Variants in NUP98 observed in about 807,000 individuals in gnomAD.
The protein encoded by NUP98 is nuclear pore complex protein Nup98-Nup96.
In NUP98, 26 loss-of-function variants were observed where a neutral mutation model predicts 191.9. The observed-to-expected ratio is 0.14, with a 90% CI of 0.10 to 0.19. The LOEUF (loss-of-function observed/expected upper bound fraction) is 0.19. Ranked by LOEUF, NUP98 falls within the 10% of genes least tolerant of loss-of-function variation. The pLI is 1.00. For synonymous variants in NUP98, 808 were observed against 778.4 expected (o/e 1.04, Z -0.63); for missense variants, 1,941 against 2,178.8 (o/e 0.89, Z 2.17).
At chr11:3,765,517 T>C (rs923661074) in intron 8 of NUP98, among the ~76,000 whole-genome samples, 8 of 152,214 alleles carry the variant, frequency 5.3e-5, no homozygotes, top group African/African-American at 1.7e-4. Flanking sequence ...GATCAATTTG[T>C]GGCCAGGCAT....
chr11:3,718,766 A>T (rs2079279250), intron 18 of NUP98, among the ~76,000 whole-genome samples: 1 of 152,204 alleles, frequency 6.6e-6, no homozygotes, highest in South Asian at 2.1e-4. Flanking sequence ...GCCACAGCAG[A>T]AACAGGAATA....
At chr11:3,711,903 T>C (rs2079031072) in intron 20 of NUP98, 4 of 1,038,366 alleles carry the variant, frequency 3.9e-6, no homozygotes, top group African/African-American at 1.7e-5. Flanking sequence ...AATTATAGCA[T>C]GGAAAATACC....
At chr11:3,711,600 A>G (rs2079024310) in intron 20 of NUP98, 2 of 160,466 alleles carry the variant, frequency 1.2e-5, no homozygotes, top group East Asian at 2.8e-4. Context: ...ATATAAGGTT[A>G]TAAAAAATTA....
At chr11:3,729,349 T>G (rs895619653) in intron 14 of NUP98, among the ~76,000 whole-genome samples, 8 of 151,786 alleles carry the variant, frequency 5.3e-5, no homozygotes, top group Non-Finnish European at 7.4e-5. Context: ...TGTGGGGTCC[T>G]GGAAGACAAT....
intron 12 of NUP98, among the ~76,000 whole-genome samples, chr11:3,743,292 T>C (rs536873071): frequency 1.3e-5 from 2 of 150,718 alleles, no homozygotes; most frequent in South Asian, 4.2e-4. Flanking sequence ...ACTGGGATTA[T>C]AGGCGTGGGC....
At position 3,699,254 on chromosome 11, in the gene NUP98, G is replaced by A. The variant is rs1187888723; in HGVS notation, c.3837C>T (p.Tyr1279=). 1 of 1,614,160 alleles carries A rather than the reference G, an allele frequency of 6.2e-7. No individual in the cohort carries two copies. The highest frequency in any genetic ancestry group is 8.5e-7 in the Non-Finnish European group (1 of 1,180,024). Residue 1279 remains tyrosine, a synonymous_variant, in exon 25 of 33, where the codon TAC becomes TAT. Transcript: ENST00000324932. ...CTCTTCTTCGCTCCAGAATTTGAAT[G>A]TATTCACGGGGTTCATTTAGCTGGC... is the stretch of plus-strand genomic sequence containing the variant. The part of the protein sequence containing the change: ...LDSQLNEPRE[Y]IQILERRRAF...
At chr11:3,767,867 G>C (rs76515767) in intron 8 of NUP98, among the ~76,000 whole-genome samples, 10,563 of 151,658 alleles carry the variant, frequency 0.07, 387 homozygotes, top group Middle Eastern at 0.1. Flanking sequence ...AGGGAACTAG[G>C]TGAACGTTCC....
intron 10 of NUP98, among the ~76,000 whole-genome samples, chr11:3,755,723 G>A (rs2080937488): frequency 1.3e-5 from 2 of 152,228 alleles, no homozygotes; most frequent in African/African-American, 2.4e-5. Flanking sequence ...CCGCCACTTT[G>A]GGAGGCCAAG....
intron 20 of NUP98, chr11:3,712,127 A>T: frequency 9.4e-7 from 1 of 1,059,790 alleles, no homozygotes; most frequent in Non-Finnish European, 1.1e-6. Context: ...CAACTTTAAA[A>T]AAATGGAGAT....
At chr11:3,792,716 AG>A (rs1448562441) in intron 1 of NUP98, among the ~76,000 whole-genome samples, 1 of 152,230 alleles carries the variant, frequency 6.6e-6, no homozygotes, top group African/African-American at 2.4e-5. Flanking sequence ...ATAAAATCAC[AG>A]AAGTGTAAAG....
At chr11:3,733,287 T>C (rs2079914480) in intron 13 of NUP98, among the ~76,000 whole-genome samples, 1 of 152,204 alleles carries the variant, frequency 6.6e-6, no homozygotes, top group Non-Finnish European at 1.5e-5. Context: ...TGACTTTTTG[T>C]GTCTGGCTCC....
At chr11:3,687,656 A>G (rs564124663) in intron 28 of NUP98, among the ~76,000 whole-genome samples, 8 of 152,394 alleles carry the variant, frequency 5.2e-5, no homozygotes, top group African/African-American at 1.9e-4. Context: ...AGAGGACGCA[A>G]TTATTGAACA....
chr11:3,746,923 A>T (rs1238624109), intron 11 of NUP98, among the ~76,000 whole-genome samples: 1 of 152,102 alleles, frequency 6.6e-6, no homozygotes, highest in African/African-American at 2.4e-5. Context: ...CAAAAAAAAA[A>T]AAAAAAAGTA....
At chr11:3,746,052 C>T (rs182731383) in intron 11 of NUP98, among the ~76,000 whole-genome samples, 2 of 151,848 alleles carry the variant, frequency 1.3e-5, no homozygotes, top group African/African-American at 2.4e-5. Context: ...GGTGGATCAC[C>T]TAAAGTTAGG....
chr11:3,705,353 T>C lies in NUP98; in HGVS notation c.2929A>G (p.Met977Val), dbSNP rs780805836. 7.4e-6 allele frequency: 12 copies of C among 1,613,874 alleles called. No homozygotes were observed. The highest frequency in any genetic ancestry group is 3.3e-5 in the Admixed American group (2 of 59,968). The change falls in exon 22 of 33, where the codon ATG becomes GTG. Residue 977 changes from methionine (M) to valine (V), a missense_variant. Around this residue, in one of 6 missense-constraint regions of NUP98, gnomAD observed 1,030 missense variants for 1,115.8 expected, o/e 0.92. Coordinates refer to ENST00000324932, the MANE Select transcript of NUP98 (RefSeq NM_016320.5). The stretch of plus-strand genomic sequence containing the variant: ...TCATCAGTAAGCAATGATGCTTTCA[T>C]GATCTAAAAAGGCAATATCTATAGA... ...LGINPHVLQI[M>V]KASLLTDEED...
chr11:3,748,717 A>G (rs959279520), intron 11 of NUP98, among the ~76,000 whole-genome samples: 1 of 152,176 alleles, frequency 6.6e-6, no homozygotes, highest in Non-Finnish European at 1.5e-5. Flanking sequence ...GAAAAAAAAG[A>G]AAAGAAAAGC....
At chr11:3,787,166 G>C (rs2082169744) in intron 1 of NUP98, among the ~76,000 whole-genome samples, 2 of 152,206 alleles carry the variant, frequency 1.3e-5, no homozygotes, top group African/African-American at 4.8e-5. Flanking sequence ...AGGAAGAAGA[G>C]ATTCATTAGC....
intron 16 of NUP98, among the ~76,000 whole-genome samples, chr11:3,721,862 C>T (rs1445326102): frequency 6.6e-6 from 1 of 152,144 alleles, no homozygotes; most frequent in Non-Finnish European, 1.5e-5. Flanking sequence ...TACTTGTAGT[C>T]AGATATAAGG....
intron 4 of NUP98, among the ~76,000 whole-genome samples, chr11:3,776,439 T>G (rs2133925210): frequency 6.6e-6 from 1 of 151,470 alleles, no homozygotes; most frequent in East Asian, 2.0e-4. Context: ...ATCCTGAAAT[T>G]TTTCACCTTT....
Sources: allele counts gnomAD v4.1 joint callset (sites outside exome capture counted in the v4.1 genomes callset), GRCh38; gene constraint gnomAD v4.1.1; regional missense constraint gnomAD v4.1.1; transcripts MANE v1.5; gene names NCBI Gene and HGNC (gene_info 2026-07-23, HGNC 2026-07-21).